The following MFAP1 variants were observed in gnomAD, a reference collection of about 807,000 sequenced individuals.
The protein encoded by MFAP1 is microfibril associated protein 1, also known as microfibrillar-associated protein 1.
In MFAP1, 18 loss-of-function variants were observed where a neutral mutation model predicts 62.2. The ratio of observed to expected loss-of-function variants is 0.29; its 90% CI spans 0.20 to 0.43. The LOEUF (loss-of-function observed/expected upper bound fraction) is 0.43, where lower values mean the gene tolerates loss of function less well. Among genes scored for constraint, MFAP1 ranks in the 20% least tolerant of loss-of-function variants. The pLI is 1.00. For missense variants in MFAP1, 355 were observed against 559.7 expected (o/e 0.63, Z 3.69); for synonymous variants, 175 against 180.4 (o/e 0.97, Z 0.24).
At chr15:43,807,088 C>T (rs928287983) in intron 7 of MFAP1, among the ~76,000 whole-genome samples, 2 of 152,010 alleles carry the variant, frequency 1.3e-5, no homozygotes, top group African/African-American at 2.4e-5. Context: ...TAGTAGCTCA[C>T]GCCTGTAATC....
intron 6 of MFAP1, chr15:43,810,254 GTGTC>G (rs1182406715): frequency 9.4e-6 from 2 of 212,132 alleles, no homozygotes; most frequent in East Asian, 2.1e-4. Flanking sequence ...TTTAAAATAA[GTGTC>G]TGAGGCTTTG....
Position 43,824,576 on chromosome 15 carries a change from G to A in MFAP1, c.-7C>T, listed in dbSNP as rs762599175. On this transcript the variant is annotated 5_prime_UTR_variant, in exon 1 of 9. Transcript: ENST00000267812. Reference sequence around the variant, plus strand: ...GAGCGCTTGGGACCGACATGTTGATGGCAGCGACGGTGATTCCCGAAACTT... The same window carrying A: ...GAGCGCTTGGGACCGACATGTTGATAGCAGCGACGGTGATTCCCGAAACTT... 34 of 1,613,992 alleles carry A rather than the reference G, an allele frequency of 2.1e-5. No individual in the cohort carries two copies. The highest frequency in any genetic ancestry group is 2.9e-5 in the Non-Finnish European group (34 of 1,180,006).
At chr15:43,818,060 C>G (rs1000569734) in intron 1 of MFAP1, among the ~76,000 whole-genome samples, 2 of 150,466 alleles carry the variant, frequency 1.3e-5, no homozygotes, top group Non-Finnish European at 3.0e-5. Flanking sequence ...CGCTCTGTCG[C>G]CCAGGCTGGA....
At chr15:43,807,315 C>T (rs2087372025) in intron 7 of MFAP1, among the ~76,000 whole-genome samples, 1 of 150,710 alleles carries the variant, frequency 6.6e-6, no homozygotes, top group Non-Finnish European at 1.5e-5. Flanking sequence ...CGCACCACTG[C>T]ACTCAAGCCT....
At chr15:43,805,946 C>CTTTT (rs920691277) in intron 7 of MFAP1, among the ~76,000 whole-genome samples, 1 of 136,914 alleles carries the variant, frequency 7.3e-6, no homozygotes, top group Non-Finnish European at 1.6e-5. Flanking sequence ...TGTATTTCTC[C>CTTTT]TTTTTTTTTT....
chr15:43,818,165 G>A (rs2087445924), intron 1 of MFAP1, among the ~76,000 whole-genome samples: 1 of 151,846 alleles, frequency 6.6e-6, no homozygotes, highest in South Asian at 2.1e-4. Context: ...GACTACAGAC[G>A]CATGCCACCA....
chr15:43,809,890 A>C lies in MFAP1; in HGVS notation c.912T>G (p.Ile304Met). The C allele has an allele frequency of 6.2e-7, 1 of 1,614,108 alleles. No individual in the cohort carries two copies. The highest frequency in any genetic ancestry group is 8.5e-7 in the Non-Finnish European group (1 of 1,180,020). Residue 304 changes from isoleucine to methionine, a missense_variant, in exon 7 of 9, where the codon ATT becomes ATG. This residue lies in a region of MFAP1 where 257 missense variants were observed against 341.3 expected (regional missense o/e 0.75). Coordinates refer to ENST00000267812, the MANE Select transcript of MFAP1 (RefSeq NM_005926.3). ...REALEKEKAE[I>M]ERMRNLTEEE... ...CCTCAGTCAGGTTTCGCATGCGTTCAATTTCTGCTTTCTCCTTCTCAAGCC... is the reference window on the plus strand; with the variant it reads ...CCTCAGTCAGGTTTCGCATGCGTTCCATTTCTGCTTTCTCCTTCTCAAGCC...
At chr15:43,813,462 G>T in intron 4 of MFAP1, 105 bp from the exon 5 acceptor site, 1 of 1,077,348 alleles carries the variant, frequency 9.3e-7, no homozygotes, top group South Asian at 1.8e-5. Flanking sequence ...AACAATCTTT[G>T]GCTCTATTAT....
intron 7 of MFAP1, among the ~76,000 whole-genome samples, chr15:43,807,746 GTACTT>G (rs1455317924): frequency 1.3e-5 from 2 of 152,094 alleles, no homozygotes; most frequent in African/African-American, 2.4e-5. Context: ...AACCCCTACA[GTACTT>G]TACTTTTACT....
rs755479126 is a variant in MFAP1, at chr15:43,813,019, T to C, written c.855A>G (p.Lys285=). ...EYEAWKVREL[K]RIKRDREDRE... is the part of the protein sequence containing the mutation. ...GATCTTCTCTGTCCCTCTTGATTCT[T>C]TTTAGCTCTCGAACTTTCCATGCCT... The change falls in exon 6 of 9, where the codon AAA becomes AAG. Residue 285 remains lysine, a synonymous_variant. Coordinates refer to ENST00000267812, the MANE Select transcript of MFAP1 (RefSeq NM_005926.3). The C allele has an allele frequency of 1.2e-5, 20 of 1,614,088 alleles. No individual in the cohort carries two copies. The Admixed American group carries it at 1.5e-4, about 12-fold the overall frequency.
intron 6 of MFAP1, among the ~76,000 whole-genome samples, chr15:43,811,427 A>C (rs535278902): frequency 4.4e-4 from 67 of 150,850 alleles, no homozygotes; most frequent in African/African-American, 1.6e-3. Context: ...AAAAAAAAAA[A>C]AAAACCAAAA....
At chr15:43,820,433 A>G (rs888681703) in intron 1 of MFAP1, among the ~76,000 whole-genome samples, 1 of 152,234 alleles carries the variant, frequency 6.6e-6, no homozygotes, top group Non-Finnish European at 1.5e-5. Context: ...GAAAAGTTAT[A>G]AGGATTTAAA....
intron 1 of MFAP1, among the ~76,000 whole-genome samples, chr15:43,823,426 G>A (rs2087479677): frequency 2.0e-5 from 3 of 151,724 alleles, no homozygotes; most frequent in Admixed American, 6.6e-5. Flanking sequence ...GCCCAGGCTG[G>A]AGTGCAATGG....
intron 7 of MFAP1, among the ~76,000 whole-genome samples, chr15:43,809,490 T>A: frequency 6.6e-6 from 1 of 151,230 alleles, no homozygotes; most frequent in East Asian, 1.9e-4. Flanking sequence ...AGACTCTGTC[T>A]CTTAAAAAAA....
chr15:43,806,271 T>C (rs531075786), intron 7 of MFAP1, among the ~76,000 whole-genome samples: 10 of 152,328 alleles, frequency 6.6e-5, no homozygotes, highest in African/African-American at 2.4e-4. Flanking sequence ...AAGTTGGATA[T>C]TTTATTGGGA....
chr15:43,812,876 A>T, intron 6 of MFAP1, 111 bp downstream of exon 6: 2 of 1,257,754 alleles, frequency 1.6e-6, no homozygotes, highest in East Asian at 4.7e-5. Context: ...AGCAACAAGA[A>T]CTCTGAAGGT....
chr15:43,808,812 C>T (rs2087381192), intron 7 of MFAP1, among the ~76,000 whole-genome samples: 1 of 152,212 alleles, frequency 6.6e-6, no homozygotes, highest in South Asian at 2.1e-4. Flanking sequence ...TAGAATTTGC[C>T]ACACGGCACT....
intron 1 of MFAP1, among the ~76,000 whole-genome samples, chr15:43,819,068 T>C (rs1254760794): frequency 1.3e-5 from 2 of 152,146 alleles, no homozygotes; most frequent in Non-Finnish European, 2.9e-5. Context: ...GGCACAGACT[T>C]TTTAATCCAA....
intron 1 of MFAP1, 108 bp downstream of exon 1, chr15:43,824,383 G>C: frequency 1.8e-6 from 2 of 1,091,990 alleles, no homozygotes; most frequent in Non-Finnish European, 1.3e-6. Flanking sequence ...CTGGCAGCCA[G>C]ATCTCAAGAG....
Sources: allele counts gnomAD v4.1 joint callset (sites outside exome capture counted in the v4.1 genomes callset), GRCh38; gene constraint gnomAD v4.1.1; regional missense constraint gnomAD v4.1.1; transcripts MANE v1.5; gene names NCBI Gene and HGNC (gene_info 2026-07-23, HGNC 2026-07-21).